Variants in SPOCK3 observed in about 807,000 individuals in gnomAD.
SPOCK3 encodes testican-3.
Under a neutral mutation model 56.6 loss-of-function variants are expected in SPOCK3, and 30 were observed. The observed-to-expected ratio is 0.53, with a 90% confidence interval of 0.40 to 0.72. The LOEUF is 0.72. Ranked by LOEUF, SPOCK3 falls within the 30% of genes least tolerant of loss-of-function variation. The pLI, the probability that SPOCK3 is intolerant of heterozygous loss-of-function variation, is 0.00. For missense variants in SPOCK3, 527 were observed against 530.0 expected, an observed-to-expected ratio of 0.99 and a Z score of 0.06; for synonymous variants, 196 against 183.3, an observed-to-expected ratio of 1.07 and a Z score of -0.56.
intron 2 of SPOCK3, among the ~76,000 whole-genome samples, chr4:167,209,395 T>C (rs1734650338): frequency 1.3e-5 from 2 of 152,266 alleles, no homozygotes; most frequent in East Asian, 1.9e-4. Flanking sequence ...AAAAGGCCTA[T>C]AAATTTTAAA....
chr4:166,938,484 G>C (rs1212914506), intron 4 of SPOCK3, among the ~76,000 whole-genome samples: 1 of 151,712 alleles, frequency 6.6e-6, no homozygotes, highest in Non-Finnish European at 1.5e-5. Context: ...AAAATGTTTA[G>C]TAGGTAATTG....
intron 2 of SPOCK3, among the ~76,000 whole-genome samples, chr4:167,163,217 G>T (rs1580482581): frequency 7.7e-6 from 1 of 130,080 alleles, no homozygotes. Flanking sequence ...TCCTCATCAT[G>T]TTAAATATGA....
intron 6 of SPOCK3, among the ~76,000 whole-genome samples, chr4:166,817,734 A>G (rs1364435834): frequency 1.3e-5 from 2 of 152,110 alleles, no homozygotes. Flanking sequence ...AGGTAACAAC[A>G]TTTATATCAA....
At chr4:166,909,202 C>T (rs1331440995) in intron 5 of SPOCK3, among the ~76,000 whole-genome samples, 2 of 152,018 alleles carry the variant, frequency 1.3e-5, no homozygotes, top group African/African-American at 2.4e-5. Flanking sequence ...AAATACTCTA[C>T]TGAGGATTTC....
chr4:167,115,258 T>A (rs1295784729), intron 2 of SPOCK3, among the ~76,000 whole-genome samples: 2 of 151,266 alleles, frequency 1.3e-5, no homozygotes, highest in African/African-American at 4.9e-5. Flanking sequence ...GTTGTCTAGC[T>A]GTGAACCAAG....
At chr4:167,012,033 A>G (rs568801950) in intron 3 of SPOCK3, among the ~76,000 whole-genome samples, 2 of 152,026 alleles carry the variant, frequency 1.3e-5, no homozygotes, top group East Asian at 1.9e-4. Context: ...ATTGAGTGAC[A>G]TTTTTCAAGG....
At chr4:166,924,101 G>A (rs1042808744) in intron 4 of SPOCK3, among the ~76,000 whole-genome samples, 2 of 152,108 alleles carry the variant, frequency 1.3e-5, no homozygotes, top group South Asian at 2.1e-4. Flanking sequence ...TAGCTTGCCC[G>A]TTAAAAGCCA....
At chr4:166,911,430 A>T (rs533583459) in intron 5 of SPOCK3, among the ~76,000 whole-genome samples, 1 of 152,228 alleles carries the variant, frequency 6.6e-6, no homozygotes, top group African/African-American at 2.4e-5. Flanking sequence ...TAACTGCAGT[A>T]AGCACAATCA....
chr4:167,133,978 TA>T (rs1762896558), intron 2 of SPOCK3, among the ~76,000 whole-genome samples: 1 of 152,068 alleles, frequency 6.6e-6, no homozygotes, highest in Admixed American at 6.6e-5. Context: ...ATGCTATATT[TA>T]TTATGCTTTG....
chr4:167,046,243 TTTTG>T (rs1753702936), intron 3 of SPOCK3, among the ~76,000 whole-genome samples: 1 of 151,898 alleles, frequency 6.6e-6, no homozygotes, highest in Non-Finnish European at 1.5e-5. Flanking sequence ...TTGAGTTTTG[TTTTG>T]TTTTTGTTTT....
chr4:166,944,239 G>C (rs1347704341), intron 4 of SPOCK3, among the ~76,000 whole-genome samples: 1 of 151,966 alleles, frequency 6.6e-6, no homozygotes, highest in Non-Finnish European at 1.5e-5. Context: ...TAACCTCAAA[G>C]GGAGGGGATT....
chr4:166,941,284 C>T (rs571721314), intron 4 of SPOCK3, among the ~76,000 whole-genome samples: 1 of 152,090 alleles, frequency 6.6e-6, no homozygotes, highest in African/African-American at 2.4e-5. Context: ...AAAATGGATC[C>T]TTTTCCGTCA....
intron 5 of SPOCK3, among the ~76,000 whole-genome samples, chr4:166,890,346 T>C (rs1014454198): frequency 6.6e-6 from 1 of 151,962 alleles, no homozygotes; most frequent in Middle Eastern, 3.4e-3. Context: ...TCAGCCTCAA[T>C]TTTCCCATTA....
At chr4:166,832,783 A>C (rs1383476253) in intron 6 of SPOCK3, among the ~76,000 whole-genome samples, 1 of 152,188 alleles carries the variant, frequency 6.6e-6, no homozygotes, top group East Asian at 1.9e-4. Context: ...CTATTATCCT[A>C]AGCAAATTAA....
chr4:166,842,149 G>A (rs947089054), intron 6 of SPOCK3, among the ~76,000 whole-genome samples: 16 of 152,178 alleles, frequency 1.1e-4, no homozygotes, highest in South Asian at 4.1e-4. Context: ...AGCTCATAGA[G>A]GCAGTGCGGA....
At chr4:166,839,949 G>A (rs1032038060) in intron 6 of SPOCK3, among the ~76,000 whole-genome samples, 1 of 152,130 alleles carries the variant, frequency 6.6e-6, no homozygotes, top group African/African-American at 2.4e-5. Flanking sequence ...TCCCTCTGAG[G>A]GTGTATTACT....
chr4:166,910,207 T>A (rs1413877998), intron 5 of SPOCK3, among the ~76,000 whole-genome samples: 1 of 152,144 alleles, frequency 6.6e-6, no homozygotes, highest in East Asian at 1.9e-4. Flanking sequence ...AGTCATTAAG[T>A]TAAATTAGAA....
At chr4:166,792,073 G>T (rs1741417750) in intron 7 of SPOCK3, 97 bp downstream of exon 7, 2 of 1,397,414 alleles carry the variant, frequency 1.4e-6, no homozygotes, top group African/African-American at 1.4e-5. Flanking sequence ...TATATGCAGT[G>T]AATAAATACT....
chr4:166,904,391 C>A (rs1736392730), intron 5 of SPOCK3, among the ~76,000 whole-genome samples: 1 of 151,988 alleles, frequency 6.6e-6, no homozygotes, highest in African/African-American at 2.4e-5. Flanking sequence ...ATGTTAATTT[C>A]TTAAAAGAAT....
Sources: gnomAD v4.1 joint callset for allele counts (sites outside exome capture counted in the v4.1 genomes callset) on GRCh38, gnomAD v4.1.1 for gene constraint, MANE v1.5 for transcripts, NCBI Gene and HGNC (gene_info 2026-07-23, HGNC 2026-07-21) for gene names.